The following DPP6 variants were observed in gnomAD, a reference collection of about 807,000 sequenced individuals.
DPP6 encodes dipeptidyl peptidase like 6.
DPP6 carries 69 observed loss-of-function variants against 122.6 expected under a neutral mutation model. The observed-to-expected ratio is 0.56, with a 90% CI of 0.46 to 0.69. The LOEUF is 0.69. Ranked by LOEUF, DPP6 falls within the 30% of genes least tolerant of loss-of-function variation. The probability of loss-of-function intolerance (pLI) is 0.00; values close to 1 mark genes in which losing one functional copy is unlikely to be tolerated. For synonymous variants in DPP6, 418 were observed against 433.1 expected, an observed-to-expected ratio of 0.97 and a Z score of 0.43; for missense variants, 928 against 1,116.9, an observed-to-expected ratio of 0.83 and a Z score of 2.41.
the DPP6 span, among the ~76,000 whole-genome samples, chr7:153,786,995 G>C: frequency 1.4e-5 from 2 of 145,602 alleles, no homozygotes; most frequent in African/African-American, 5.1e-5. Context: ...TCTGTCGCCC[G>C]GGCTGGAGTG....
intron 4 of DPP6, among the ~76,000 whole-genome samples, chr7:154,541,348 T>C (rs1375119352): frequency 2.0e-5 from 3 of 152,178 alleles, no homozygotes; most frequent in African/African-American, 7.2e-5. Context: ...TTGCCCAGGC[T>C]GGTCTTGAAC....
At chr7:154,261,637 A>G (rs1284652205) in intron 1 of DPP6, among the ~76,000 whole-genome samples, 5 of 152,138 alleles carry the variant, frequency 3.3e-5, no homozygotes, top group African/African-American at 1.2e-4. Flanking sequence ...CACAATCTAT[A>G]CATCTGACAG....
intron 1 of DPP6, among the ~76,000 whole-genome samples, chr7:154,236,533 C>T (rs1308811920): frequency 6.6e-6 from 1 of 152,162 alleles, no homozygotes; most frequent in African/African-American, 2.4e-5. Flanking sequence ...AGATTCTCTT[C>T]ATTCTTTTGA....
chr7:154,065,343 TCTTTGA>T (rs1802626587), intron 1 of DPP6, among the ~76,000 whole-genome samples: 1 of 130,792 alleles, frequency 7.6e-6, no homozygotes, highest in Non-Finnish European at 1.6e-5. Flanking sequence ...CTCCCATCAC[TCTTTGA>T]GGGCCCTGGG....
the DPP6 span, among the ~76,000 whole-genome samples, chr7:153,798,529 A>T: frequency 6.6e-6 from 1 of 151,942 alleles, no homozygotes; most frequent in African/African-American, 2.4e-5. Flanking sequence ...CTACGAGGGG[A>T]TGTGGAGGAC....
chr7:154,752,640 C>T (rs1460313555), intron 8 of DPP6, among the ~76,000 whole-genome samples: 1 of 152,158 alleles, frequency 6.6e-6, no homozygotes, highest in Admixed American at 6.5e-5. Flanking sequence ...TCCCTCAAGG[C>T]TTGGGTTAGG....
At chr7:154,102,301 C>T (rs1344062261) in intron 1 of DPP6, among the ~76,000 whole-genome samples, 10 of 152,170 alleles carry the variant, frequency 6.6e-5, no homozygotes, top group East Asian at 3.9e-4. Flanking sequence ...GCGATTCTCC[C>T]GCCTCAGCCT....
intron 1 of DPP6, among the ~76,000 whole-genome samples, chr7:154,319,026 T>C (rs566513202): frequency 2.8e-4 from 43 of 152,294 alleles, no homozygotes; most frequent in African/African-American, 1.0e-3. Flanking sequence ...ATGATCTTTA[T>C]GTGGCCCCCA....
chr7:154,275,985 A>G (rs1387706018), intron 1 of DPP6, among the ~76,000 whole-genome samples: 1 of 152,206 alleles, frequency 6.6e-6, no homozygotes, highest in African/African-American at 2.4e-5. Context: ...TGGATCTTGT[A>G]TTTGAGATAG....
chr7:154,065,708 C>T (rs892811489), intron 1 of DPP6, among the ~76,000 whole-genome samples: 16 of 152,194 alleles, frequency 1.1e-4, no homozygotes, highest in Middle Eastern at 3.4e-3. Context: ...GTCACCCAGC[C>T]CCTAGAGCTC....
chr7:153,961,565 G>A (rs1485313111), intron 1 of DPP6, among the ~76,000 whole-genome samples: 2 of 151,196 alleles, frequency 1.3e-5, no homozygotes, highest in Non-Finnish European at 2.9e-5. Flanking sequence ...ACCGGGGAGT[G>A]GGGTGGGGTG....
chr7:154,476,165 T>C (rs1024988413), intron 3 of DPP6, among the ~76,000 whole-genome samples: 1 of 152,246 alleles, frequency 6.6e-6, no homozygotes, highest in African/African-American at 2.4e-5. Context: ...GTGGCTTCAG[T>C]ATTCATTTCT....
intron 5 of DPP6, among the ~76,000 whole-genome samples, chr7:154,585,015 G>A (rs1039843536): frequency 2.0e-5 from 3 of 152,052 alleles, no homozygotes; most frequent in Non-Finnish European, 2.9e-5. Flanking sequence ...CCACAAATTG[G>A]GATATGGAAC....
At chr7:154,372,251 G>A (rs557636647) in intron 1 of DPP6, among the ~76,000 whole-genome samples, 22 of 152,312 alleles carry the variant, frequency 1.4e-4, no homozygotes, top group Admixed American at 1.0e-3. Flanking sequence ...TGCATGAAGC[G>A]TAACACAGGG....
At chr7:154,113,311 A>G (rs1028031619) in intron 1 of DPP6, among the ~76,000 whole-genome samples, 1 of 152,056 alleles carries the variant, frequency 6.6e-6, no homozygotes, top group Non-Finnish European at 1.5e-5. Flanking sequence ...TGTATTCCAA[A>G]GTGGCTATAC....
intron 1 of DPP6, among the ~76,000 whole-genome samples, chr7:154,137,654 G>GGGGC (rs1795630938): frequency 3.5e-5 from 2 of 56,554 alleles, no homozygotes; most frequent in Admixed American, 2.8e-4. Flanking sequence ...GGGGGGTGGG[G>GGGGC]GGGTGGGGGG....
chr7:153,763,066 G>A, the DPP6 span, among the ~76,000 whole-genome samples: 5 of 152,276 alleles, frequency 3.3e-5, no homozygotes, highest in African/African-American at 7.2e-5. Flanking sequence ...AAGAGAAGGC[G>A]GAGAGCAGCA....
chr7:153,791,810 G>A, the DPP6 span, among the ~76,000 whole-genome samples: 2 of 152,320 alleles, frequency 1.3e-5, no homozygotes, highest in East Asian at 3.9e-4. Context: ...CTGAAATTAA[G>A]ACAGAGGTCA....
At chr7:154,772,310 A>T (rs1277240251) in intron 9 of DPP6, among the ~76,000 whole-genome samples, 3 of 152,206 alleles carry the variant, frequency 2.0e-5, no homozygotes, top group African/African-American at 7.2e-5. Context: ...AAGTGAGAAC[A>T]TCAGACAACA....
Sources: gnomAD v4.1 joint callset for allele counts (sites outside exome capture counted in the v4.1 genomes callset) on GRCh38, gnomAD v4.1.1 for gene constraint, MANE v1.5 for transcripts, NCBI Gene and HGNC (gene_info 2026-07-23, HGNC 2026-07-21) for gene names.